ARHGAP15: variants seen among roughly 807,000 people sequenced by gnomAD.
The protein encoded by ARHGAP15 is rho GTPase-activating protein 15.
ARHGAP15 carries 51 observed loss-of-function variants against 63.7 expected under a neutral mutation model. That is an observed-to-expected ratio of 0.80 (90% CI 0.64 to 1.01). The LOEUF (loss-of-function observed/expected upper bound fraction) is 1.01, where lower values mean the gene tolerates loss of function less well. ARHGAP15 is among the 50% of genes least tolerant of loss of function. The probability of loss-of-function intolerance (pLI) is 0.00; values close to 1 mark genes in which losing one functional copy is unlikely to be tolerated. For synonymous variants in ARHGAP15, 191 were observed against 193.8 expected, an observed-to-expected ratio of 0.99 and a Z score of 0.12; for missense variants, 560 against 564.6, an observed-to-expected ratio of 0.99 and a Z score of 0.08.
At chr2:143,384,245 C>T (rs891096675) in intron 6 of ARHGAP15, among the ~76,000 whole-genome samples, 2 of 151,692 alleles carry the variant, frequency 1.3e-5, no homozygotes, top group African/African-American at 4.8e-5. Context: ...AAAGATCAGC[C>T]TGGCAGCTTG....
At chr2:143,766,245 CA>C (rs1686943107) in intron 13 of ARHGAP15, among the ~76,000 whole-genome samples, 2 of 152,120 alleles carry the variant, frequency 1.3e-5, no homozygotes, top group Admixed American at 1.3e-4. Flanking sequence ...TGGAAAATTC[CA>C]GAAATATGCA....
At chr2:143,315,980 G>A (rs1683685777) in intron 6 of ARHGAP15, among the ~76,000 whole-genome samples, 1 of 152,044 alleles carries the variant, frequency 6.6e-6, no homozygotes, top group Non-Finnish European at 1.5e-5. Context: ...CAGCTGCTCA[G>A]AGGGCTGAGG....
At chr2:143,268,189 T>C (rs79206839) in intron 6 of ARHGAP15, among the ~76,000 whole-genome samples, 39 of 151,106 alleles carry the variant, frequency 2.6e-4, no homozygotes, top group Admixed American at 6.6e-4. Context: ...TTTTTTTTTT[T>C]CCACTTTGAA....
chr2:143,713,584 C>A (rs1684679469), intron 13 of ARHGAP15, among the ~76,000 whole-genome samples: 1 of 152,178 alleles, frequency 6.6e-6, no homozygotes, highest in Admixed American at 6.5e-5. Flanking sequence ...TCCAAATTCT[C>A]ATCTGAGACA....
At chr2:143,280,170 C>G (rs773874513) in intron 6 of ARHGAP15, among the ~76,000 whole-genome samples, 1 of 152,106 alleles carries the variant, frequency 6.6e-6, no homozygotes, top group Non-Finnish European at 1.5e-5. Flanking sequence ...TATAGGCTTT[C>G]TTTTAAAAAG....
At chr2:143,627,928 C>T (rs1371812497) in intron 12 of ARHGAP15, among the ~76,000 whole-genome samples, 2 of 151,824 alleles carry the variant, frequency 1.3e-5, no homozygotes, top group Admixed American at 1.3e-4. Context: ...AATGCCATCA[C>T]CCAGGTATAG....
chr2:143,685,280 G>GTGAT (rs921073721), intron 12 of ARHGAP15, among the ~76,000 whole-genome samples: 2 of 152,202 alleles, frequency 1.3e-5, no homozygotes, highest in South Asian at 2.1e-4. Flanking sequence ...TAAGTTGGTT[G>GTGAT]TGATTACAGT....
chr2:143,160,958 T>A (rs1385676459), intron 2 of ARHGAP15, among the ~76,000 whole-genome samples: 2 of 152,002 alleles, frequency 1.3e-5, no homozygotes. Context: ...ATAGCTAAAT[T>A]TGTTTATAAT....
At chr2:143,208,964 T>C (rs1055878431) in intron 3 of ARHGAP15, among the ~76,000 whole-genome samples, 33 of 152,252 alleles carry the variant, frequency 2.2e-4, no homozygotes, top group African/African-American at 6.7e-4. Context: ...AGGAAGTTGC[T>C]ATGGCTTGGG....
intron 6 of ARHGAP15, among the ~76,000 whole-genome samples, chr2:143,279,656 G>T (rs888342771): frequency 1.3e-5 from 2 of 152,036 alleles, no homozygotes; most frequent in Admixed American, 1.3e-4. Context: ...CTCAGTTTTG[G>T]TTATATAGTT....
chr2:143,601,773 T>C (rs1697780961), intron 11 of ARHGAP15, among the ~76,000 whole-genome samples: 1 of 152,178 alleles, frequency 6.6e-6, no homozygotes, highest in South Asian at 2.1e-4. Flanking sequence ...TCTATTTCCT[T>C]TTTATTATGG....
At chr2:143,568,631 A>G (rs1696330692) in intron 11 of ARHGAP15, among the ~76,000 whole-genome samples, 1 of 152,200 alleles carries the variant, frequency 6.6e-6, no homozygotes, top group Non-Finnish European at 1.5e-5. Context: ...TAGAACTAGA[A>G]ATACCATTTG....
intron 6 of ARHGAP15, among the ~76,000 whole-genome samples, chr2:143,336,452 G>T (rs1485752599): frequency 1.3e-5 from 2 of 152,098 alleles, no homozygotes; most frequent in Admixed American, 1.3e-4. Flanking sequence ...AATTGACGGA[G>T]GGCAGTTCAT....
chr2:143,220,048 A>C (rs1348701337), intron 4 of ARHGAP15, among the ~76,000 whole-genome samples: 1 of 152,228 alleles, frequency 6.6e-6, no homozygotes, highest in African/African-American at 2.4e-5. Context: ...TGTAATCACC[A>C]TGTTTAAGAA....
chr2:143,745,182 T>C (rs1173672391), intron 13 of ARHGAP15, among the ~76,000 whole-genome samples: 1 of 152,240 alleles, frequency 6.6e-6, no homozygotes, highest in Non-Finnish European at 1.5e-5. Flanking sequence ...TACCTTTTGT[T>C]GCTTCCATAG....
rs1202884949 is a variant in ARHGAP15 at position 143,616,092 on chromosome 2, C to T, written c.1004-8041C>T. ...TGTTGTTGCATCTAAACAGGACTAC[C>T]TTTTCTCAGCTACCTAAACGAAATA... On this transcript the variant is annotated intron_variant, in intron 11 of 13. Coordinates refer to ENST00000295095, the MANE Select transcript of ARHGAP15 (RefSeq NM_018460.4). Among the ~76,000 whole-genome samples the T allele has an allele frequency of 1.3e-5, 2 of 152,064 alleles. 1 individual carries two copies. Among genetic ancestry groups the T allele is most frequent in the Non-Finnish European group, 2.9e-5 (2 of 68,000 alleles).
At chr2:143,417,616 GACT>G (rs1204087839) in intron 6 of ARHGAP15, among the ~76,000 whole-genome samples, 1 of 152,164 alleles carries the variant, frequency 6.6e-6, no homozygotes, top group Non-Finnish European at 1.5e-5. Context: ...GTAGTGAAAT[GACT>G]TGTGCAGGAC....
intron 11 of ARHGAP15, among the ~76,000 whole-genome samples, chr2:143,570,562 T>C (rs2105119118): frequency 6.6e-6 from 1 of 152,266 alleles, no homozygotes; most frequent in African/African-American, 2.4e-5. Flanking sequence ...AGTTGGACCA[T>C]TTTTTTATTA....
At chr2:143,159,259 A>G (rs1690197764) in intron 2 of ARHGAP15, among the ~76,000 whole-genome samples, 1 of 151,982 alleles carries the variant, frequency 6.6e-6, no homozygotes, top group Non-Finnish European at 1.5e-5. Flanking sequence ...ATTATCAGAA[A>G]AAAGAGGAAA....
Sources: allele counts gnomAD v4.1 joint callset (sites outside exome capture counted in the v4.1 genomes callset), GRCh38; gene constraint gnomAD v4.1.1; transcripts MANE v1.5; gene names NCBI Gene and HGNC (gene_info 2026-07-23, HGNC 2026-07-21).